Variants in SLC16A1 observed in about 807,000 individuals in gnomAD.
SLC16A1 encodes monocarboxylate transporter 1.
A neutral mutation model predicts 32.2 loss-of-function variants in SLC16A1; 11 were observed. That is an observed-to-expected ratio of 0.34 (90% CI 0.21 to 0.56). The LOEUF is 0.56. Ranked by LOEUF, SLC16A1 falls within the 20% of genes least tolerant of loss-of-function variation. The pLI, the probability that SLC16A1 is intolerant of heterozygous loss-of-function variation, is 0.87. For synonymous variants in SLC16A1, 231 were observed against 226.8 expected, an observed-to-expected ratio of 1.02 and a Z score of -0.17; for missense variants, 435 against 615.0, an observed-to-expected ratio of 0.71 and a Z score of 3.10.
At chr1:112,942,200 G>A (rs1352045469) in intron 1 of SLC16A1, among the ~76,000 whole-genome samples, 1 of 152,130 alleles carries the variant, frequency 6.6e-6, no homozygotes. Context: ...TCAAACTCCT[G>A]ACCTCAGGTG....
intron 1 of SLC16A1, among the ~76,000 whole-genome samples, chr1:112,935,316 G>C (rs1351496785): frequency 6.6e-6 from 1 of 152,170 alleles, no homozygotes; most frequent in Admixed American, 6.5e-5. Flanking sequence ...TTGGGAGGCT[G>C]AGGCAGGAGA....
At chr1:112,923,923 T>C in intron 2 of SLC16A1, 1 of 1,519,564 alleles carries the variant, frequency 6.6e-7, no homozygotes, top group Non-Finnish European at 9.1e-7. Context: ...CACTCTGGAC[T>C]GAGGTTCTAT....
chr1:112,941,006 T>C (rs962779195), intron 1 of SLC16A1, among the ~76,000 whole-genome samples: 1 of 151,992 alleles, frequency 6.6e-6, no homozygotes, highest in East Asian at 1.9e-4. Flanking sequence ...GACATAAAGA[T>C]GGGAACAATA....
At chr1:112,940,358 T>C (rs1203857065) in intron 1 of SLC16A1, among the ~76,000 whole-genome samples, 7 of 152,136 alleles carry the variant, frequency 4.6e-5, no homozygotes. Flanking sequence ...TCATGATGAT[T>C]AGTTTAAGTG....
chr1:112,956,092 A>G lies in SLC16A1; in HGVS notation c.-102T>C, dbSNP rs1650087673. ...TGCGTGACGTGGTGGCGCAGGCTGG[A>G]GTTCCACGGGGCCCAGGGTCCGGCT... is the stretch of plus-strand genomic sequence containing the variant. On this transcript the variant is annotated 5_prime_UTR_variant, in exon 1 of 5. Coordinates refer to ENST00000369626, the MANE Select transcript of SLC16A1 (RefSeq NM_003051.4). The G allele has an allele frequency of 6.6e-6, 1 of 152,044 alleles. No individual in the cohort carries two copies. The highest frequency in any genetic ancestry group is 1.5e-5 in the Non-Finnish European group (1 of 68,092). 9.4% of individuals were successfully genotyped at this position (152,044 alleles called of 1,614,324 possible). A position where few individuals can be genotyped will look rare whatever the true frequency, so the allele number is the denominator to read the frequency against.
At chr1:112,945,201 G>A (rs1649655131) in intron 1 of SLC16A1, among the ~76,000 whole-genome samples, 1 of 151,690 alleles carries the variant, frequency 6.6e-6, no homozygotes, top group Admixed American at 6.6e-5. Flanking sequence ...GTTTCGCCCT[G>A]TTTGCCATGG....
rs558263709 is a variant in SLC16A1 at position 112,912,290 on chromosome 1, C to T, written c.*1601G>A. On this transcript the variant is annotated 3_prime_UTR_variant, in exon 5 of 5. Transcript: ENST00000369626. ...AATTTAGCAAGGCCCAAAATGAAAC[C>T]TGGTAATGAAAATGAAGACACAGCA... 4 of 152,152 alleles carry T rather than the reference C, an allele frequency of 2.6e-5. No homozygotes were observed. Among genetic ancestry groups the T allele is most frequent in the African/African-American group, 9.7e-5 (4 of 41,434 alleles). The allele number at this position is 152,152 out of a possible 1,614,324, so 9.4% of individuals were successfully genotyped here.
chr1:112,953,622 A>G (rs1359998454), intron 1 of SLC16A1, among the ~76,000 whole-genome samples: 2 of 152,088 alleles, frequency 1.3e-5, no homozygotes, highest in Non-Finnish European at 2.9e-5. Context: ...TATCTCTTCA[A>G]CTTCTATCTC....
intron 1 of SLC16A1, among the ~76,000 whole-genome samples, chr1:112,939,112 C>T (rs1459758549): frequency 1.3e-5 from 2 of 151,394 alleles, no homozygotes; most frequent in East Asian, 1.9e-4. Context: ...AGGCTGGTCT[C>T]GAACTCCTGA....
rs1648580566 is a variant in SLC16A1, at chr1:112,918,061, T to TAAAG, written c.362-18_362-17insCTTT. ...GCCCAAGACCTGTGAAGACAATAAATAAATAAATAAATAAATAAATAAATA... is the reference window on the plus strand; with the variant it reads ...GCCCAAGACCTGTGAAGACAATAAATAAAGAAATAAATAAATAAATAAATAAATA... On this transcript the variant is annotated splice_polypyrimidine_tract_variant and intron_variant, in intron 3 of 4. Transcript: ENST00000369626. 3.3e-6 allele frequency: 2 copies of TAAAG among 614,314 alleles called. No homozygotes were observed. Among genetic ancestry groups the TAAAG allele is most frequent in the African/African-American group, 6.7e-5 (2 of 29,968 alleles). 38.1% of individuals were successfully genotyped at this position (614,314 alleles called of 1,614,324 possible).
At chr1:112,942,773 T>TCTA (rs1341077030) in intron 1 of SLC16A1, among the ~76,000 whole-genome samples, 1 of 152,238 alleles carries the variant, frequency 6.6e-6, no homozygotes, top group Non-Finnish European at 1.5e-5. Flanking sequence ...ACTTTAATAC[T>TCTA]CTACAATACC....
At chr1:112,943,699 A>G (rs996696156) in intron 1 of SLC16A1, among the ~76,000 whole-genome samples, 3 of 151,586 alleles carry the variant, frequency 2.0e-5, no homozygotes, top group Admixed American at 2.0e-4. Context: ...GAGGCAGGAG[A>G]ATCACTTGAA....
At chr1:112,935,212 C>T (rs1476340873) in intron 1 of SLC16A1, among the ~76,000 whole-genome samples, 6 of 151,654 alleles carry the variant, frequency 4.0e-5, no homozygotes, top group South Asian at 2.1e-4. Flanking sequence ...GTCAGGAGTT[C>T]GAGAACAGCC....
At chr1:112,923,891 G>A (rs1017952449) in intron 2 of SLC16A1, 8 of 1,524,918 alleles carry the variant, frequency 5.2e-6, no homozygotes, top group African/African-American at 1.4e-5. Context: ...AGGTGAAAAC[G>A]GAGCTCTTCC....
In SLC16A1 at chr1:112,938,143, T is replaced by C. The variant is rs894071280; in HGVS notation, c.-44-8791A>G. Among the ~76,000 whole-genome samples the C allele has an allele frequency of 2.0e-5, 3 of 152,294 alleles. No homozygotes were observed. The East Asian group carries it at 5.8e-4, about 29-fold the overall frequency. ...CCACTGTCTTTTCCTAAAATGACAA[T>C]GACCAGTTTGTGAACTTAAAAGAAG... On this transcript the variant is annotated intron_variant, in intron 1 of 4. Transcript: ENST00000369626.
At chr1:112,943,316 A>G (rs902817707) in intron 1 of SLC16A1, among the ~76,000 whole-genome samples, 12 of 149,466 alleles carry the variant, frequency 8.0e-5, no homozygotes, top group African/African-American at 3.0e-4. Context: ...AGCTACTCAG[A>G]AGACTCTCTT....
rs149491709 is a variant in SLC16A1 at position 112,918,054 on chromosome 1, CAATAAATAAATA to C, written c.362-22_362-11del. 15,502 of 857,606 alleles carry C rather than the reference CAATAAATAAATA, an allele frequency of 0.018. 240 individuals are homozygous for C. The highest frequency in any genetic ancestry group is 0.02 in the Non-Finnish European group (12,418 of 636,780). The allele number at this position is 857,606 out of a possible 1,614,324, so 53.1% of individuals were successfully genotyped here. ...AAGGCAAGCCCAAGACCTGTGAAGA[CAATAAATAAATA>C]AATAAATAAATAAATAAATAAATAA... On this transcript the variant is annotated splice_polypyrimidine_tract_variant and intron_variant, in intron 3 of 4. Coordinates refer to ENST00000369626, the MANE Select transcript of SLC16A1 (RefSeq NM_003051.4).
At chr1:112,931,334 T>C (rs1649120094) in intron 1 of SLC16A1, among the ~76,000 whole-genome samples, 2 of 151,952 alleles carry the variant, frequency 1.3e-5, no homozygotes, top group South Asian at 4.2e-4. Flanking sequence ...ATCATAAATA[T>C]ATATATGATG....
rs573079650 is a variant in SLC16A1, at chr1:112,913,498, A to T, written c.*393T>A. 2.2e-5 allele frequency: 4 copies of T among 178,328 alleles called. No individual in the cohort carries two copies. Among genetic ancestry groups the T allele is most frequent in the Non-Finnish European group, 4.8e-5 (4 of 83,242 alleles). The allele number at this position is 178,328 out of a possible 1,614,324, so 11.0% of individuals were successfully genotyped here. ...TAATTTTAAATTTTAGATTTGCCTC[A>T]AACAAGTTAGTTGTTATTTTTCCTT... On this transcript the variant is annotated 3_prime_UTR_variant, in exon 5 of 5. Transcript: ENST00000369626.
Sources: gnomAD v4.1 joint callset for allele counts (sites outside exome capture counted in the v4.1 genomes callset) on GRCh38, gnomAD v4.1.1 for gene constraint, MANE v1.5 for transcripts, NCBI Gene and HGNC (gene_info 2026-07-23, HGNC 2026-07-21) for gene names.